Variants in RARB observed in about 807,000 individuals in gnomAD.
RARB encodes retinoic acid receptor beta, also known as HBV-activated protein.
Under a neutral mutation model 51.9 loss-of-function variants are expected in RARB, and 17 were observed. The observed-to-expected ratio is 0.33, with a 90% CI of 0.22 to 0.49. The LOEUF is 0.49. RARB is among the 20% of genes least tolerant of loss of function. RARB has a pLI of 0.99. For missense variants in RARB, 369 were observed against 550.8 expected, an observed-to-expected ratio of 0.67 and a Z score of 3.30; for synonymous variants, 215 against 195.4, an observed-to-expected ratio of 1.10 and a Z score of -0.84.
intron 4 of RARB, among the ~76,000 whole-genome samples, chr3:25,153,861 C>A (rs1700332990): frequency 6.6e-6 from 1 of 152,112 alleles, no homozygotes; most frequent in Non-Finnish European, 1.5e-5. Flanking sequence ...GTACTTAGCA[C>A]AATATTCTGT....
chr3:25,346,716 C>T (rs1396586961), intron 5 of RARB, among the ~76,000 whole-genome samples: 21 of 152,176 alleles, frequency 1.4e-4, no homozygotes, highest in Admixed American at 1.4e-3. Flanking sequence ...GCTGTTTGGA[C>T]AAGGCTGTTT....
In RARB at chr3:24,856,224, C is replaced by A. The variant is rs181007425; in HGVS notation, c.-458-2450C>A. The stretch of plus-strand genomic sequence containing the variant: ...TCATCCATGAGGCTCTAAGACCTTC[C>A]CCCAAATGAGCCAGGTTTTAGACCT... On this transcript the variant is annotated intron_variant, in intron 1 of 11. Coordinates refer to the RARB transcript ENST00000383772. 9.2e-5 allele frequency among the ~76,000 whole-genome samples: 14 copies of A among 152,146 alleles called. No individual in the cohort carries two copies. The East Asian group carries it at 2.7e-3, about 29-fold the overall frequency.
intron 5 of RARB, among the ~76,000 whole-genome samples, chr3:25,372,611 C>G (rs1166144784): frequency 6.6e-6 from 1 of 152,120 alleles, no homozygotes; most frequent in Non-Finnish European, 1.5e-5. Flanking sequence ...AGCTTTAGCC[C>G]AGGAGTCTGA....
intron 5 of RARB, among the ~76,000 whole-genome samples, chr3:25,182,508 G>C (rs1472531842): frequency 6.6e-6 from 1 of 151,970 alleles, no homozygotes; most frequent in Non-Finnish European, 1.5e-5. Flanking sequence ...GTCCCCAAGG[G>C]GTATAAAAGG....
chr3:25,208,074 T>C (rs1461693595), intron 5 of RARB, among the ~76,000 whole-genome samples: 1 of 152,062 alleles, frequency 6.6e-6, no homozygotes, highest in Non-Finnish European at 1.5e-5. Flanking sequence ...CCGGATCTCA[T>C]GAGTACTCAC....
intron 2 of RARB, among the ~76,000 whole-genome samples, chr3:25,464,550 G>A (rs955018908): frequency 2.0e-5 from 3 of 152,018 alleles, no homozygotes; most frequent in Non-Finnish European, 2.9e-5. Context: ...GAAAGACTTG[G>A]TCTACATTTA....
intron 3 of RARB, among the ~76,000 whole-genome samples, chr3:25,128,971 A>G (rs1699902676): frequency 6.6e-6 from 1 of 152,146 alleles, no homozygotes; most frequent in African/African-American, 2.4e-5. Context: ...AAATGATGAC[A>G]TCCAAAACTG....
intron 4 of RARB, among the ~76,000 whole-genome samples, chr3:25,162,832 C>A (rs1700494334): frequency 6.6e-6 from 1 of 152,142 alleles, no homozygotes; most frequent in Admixed American, 6.5e-5. Context: ...TTAATGGACA[C>A]TTGGATTGTT....
chr3:25,384,427 A>C (rs538014783), intron 5 of RARB, among the ~76,000 whole-genome samples: 9 of 152,250 alleles, frequency 5.9e-5, no homozygotes, highest in Admixed American at 5.2e-4. Context: ...TATATTGGGC[A>C]AAAGGCTTGT....
chr3:24,920,034 C>T (rs1218098085), intron 2 of RARB, among the ~76,000 whole-genome samples: 1 of 152,132 alleles, frequency 6.6e-6, no homozygotes, highest in African/African-American at 2.4e-5. Flanking sequence ...TGGGAGGATG[C>T]TAGTCATACA....
chr3:25,447,566 T>C (rs1184017311), intron 1 of RARB, among the ~76,000 whole-genome samples: 1 of 152,206 alleles, frequency 6.6e-6, no homozygotes, highest in Non-Finnish European at 1.5e-5. Flanking sequence ...CCAAACCACC[T>C]TGGTCCTTGC....
At chr3:25,189,950 C>G (rs373519439) in intron 5 of RARB, among the ~76,000 whole-genome samples, 1 of 151,992 alleles carries the variant, frequency 6.6e-6, no homozygotes, top group African/African-American at 2.4e-5. Flanking sequence ...CGGATAAACT[C>G]CTCACCTTTC....
intron 5 of RARB, among the ~76,000 whole-genome samples, chr3:25,329,992 C>A (rs1239088223): frequency 6.6e-6 from 1 of 152,086 alleles, no homozygotes; most frequent in South Asian, 2.1e-4. Context: ...ATGAACAAAT[C>A]CTCCAAGAAA....
chr3:25,495,324 C>A (rs1468938366), intron 2 of RARB, among the ~76,000 whole-genome samples: 1 of 152,042 alleles, frequency 6.6e-6, no homozygotes, highest in African/African-American at 2.4e-5. Flanking sequence ...TTTCCATGTC[C>A]TTTCTTGATT....
chr3:25,095,298 A>T (rs1277490222), intron 3 of RARB, among the ~76,000 whole-genome samples: 1 of 152,202 alleles, frequency 6.6e-6, no homozygotes, highest in Non-Finnish European at 1.5e-5. Flanking sequence ...TCAAGAGAAT[A>T]GGTTTGGGAT....
At chr3:25,070,830 G>A (rs992428861) in intron 3 of RARB, among the ~76,000 whole-genome samples, 2 of 152,144 alleles carry the variant, frequency 1.3e-5, no homozygotes, top group Non-Finnish European at 2.9e-5. Context: ...GAACTCCATG[G>A]CCATCTACAA....
intron 2 of RARB, among the ~76,000 whole-genome samples, chr3:25,047,908 G>A (rs116628394): frequency 2.0e-5 from 3 of 152,184 alleles, no homozygotes; most frequent in African/African-American, 7.2e-5. Flanking sequence ...GCAGGACAAA[G>A]TAGAGATAAT....
chr3:25,385,606 C>A (rs1706770413), intron 5 of RARB, among the ~76,000 whole-genome samples: 1 of 152,056 alleles, frequency 6.6e-6, no homozygotes, highest in African/African-American at 2.4e-5. Context: ...GCAAAGCCAT[C>A]AAGTCTGTAT....
chr3:25,323,456 G>A (rs73051671), intron 5 of RARB, among the ~76,000 whole-genome samples: 237 of 152,274 alleles, frequency 1.6e-3, no homozygotes, highest in Non-Finnish European at 2.5e-3. Flanking sequence ...ACAAAACATA[G>A]TAATCTGAGT....
Sources: gnomAD v4.1 joint callset for allele counts (sites outside exome capture counted in the v4.1 genomes callset) on GRCh38, gnomAD v4.1.1 for gene constraint, MANE v1.5 for transcripts, NCBI Gene and HGNC (gene_info 2026-07-23, HGNC 2026-07-21) for gene names.